The following HHLA2 variants were observed in gnomAD, a reference collection of about 807,000 sequenced individuals.
HHLA2 encodes HHLA2 member of B7 family.
Under a neutral mutation model 45.9 loss-of-function variants are expected in HHLA2, and 48 were observed. That is an observed-to-expected ratio of 1.05 (90% CI 0.83 to 1.33). The LOEUF is 1.33. Ranked by LOEUF, HHLA2 falls within the 40% of genes most tolerant of loss-of-function variation. The pLI is 0.00. For synonymous variants in HHLA2, 161 were observed against 173.9 expected, an observed-to-expected ratio of 0.93 and a Z score of 0.59; for missense variants, 462 against 494.3, an observed-to-expected ratio of 0.93 and a Z score of 0.62.
At chr3:108,350,098 A>G (rs1218028554) in intron 3 of HHLA2, among the ~76,000 whole-genome samples, 2 of 152,172 alleles carry the variant, frequency 1.3e-5, no homozygotes, top group Non-Finnish European at 2.9e-5. Flanking sequence ...TTTAATGATT[A>G]CTTGTAATCT....
Position 108,368,620 on chromosome 3 carries a change from A to G in HHLA2, c.1108+6174A>G, listed in dbSNP as rs533987522. On this transcript the variant is annotated intron_variant, in intron 8 of 10. Transcript: ENST00000619531. ...GATAAAACAGACTTTAAACCAACAA[A>G]GATCAAAAAAGACAAAGACGTTACA... 9.9e-5 allele frequency among the ~76,000 whole-genome samples: 15 copies of G among 151,576 alleles called. No individual in the cohort carries two copies. The South Asian group carries it at 1.9e-3, about 19-fold the overall frequency.
Position 108,357,918 on chromosome 3 carries a change from CAA to C in HHLA2, c.761_762del (p.Gln254ArgfsTer31). 2 of 1,613,742 alleles carry C rather than the reference CAA, an allele frequency of 1.2e-6. No individual in the cohort carries two copies. The stretch of plus-strand genomic sequence containing the variant: ...TGTAAATGATTATTTTTCACCAAAC[CAA>C]GACTTCAAAGTTACTTGGTCCAGAA... On this transcript the variant is annotated frameshift_variant, in exon 7 of 11. Coordinates refer to ENST00000619531, the Ensembl canonical transcript of HHLA2. LOFTEE classifies it high-confidence loss of function.
At chr3:108,357,698 A>T in intron 6 of HHLA2, 146 bp from the exon 6 acceptor site, 1 of 687,044 alleles carries the variant, frequency 1.5e-6, no homozygotes, top group Non-Finnish European at 2.4e-6. Flanking sequence ...TTAAGAAACC[A>T]CAGTACAAAT....
At chr3:108,329,828 A>G (rs1318943358) in intron 3 of HHLA2, among the ~76,000 whole-genome samples, 2 of 152,178 alleles carry the variant, frequency 1.3e-5, no homozygotes, top group Non-Finnish European at 2.9e-5. Flanking sequence ...TTTATGAACA[A>G]TCTACTACTG....
chr3:108,328,335 C>T (rs971527009), exon 3 of HHLA2: 21 of 1,530,564 alleles, frequency 1.4e-5, no homozygotes, highest in African/African-American at 9.6e-5. Context: ...AAGCCTAGAA[C>T]GCACCTCCTC....
At chr3:108,317,017 C>G (rs1044392741) in intron 2 of HHLA2, among the ~76,000 whole-genome samples, 4 of 152,174 alleles carry the variant, frequency 2.6e-5, no homozygotes, top group African/African-American at 9.7e-5. Flanking sequence ...AAAATCATGG[C>G]TGTTGTGGAC....
intron 8 of HHLA2, among the ~76,000 whole-genome samples, chr3:108,374,089 C>G (rs980316211): frequency 2.0e-5 from 3 of 151,540 alleles, no homozygotes; most frequent in Non-Finnish European, 3.0e-5. Flanking sequence ...TACTACAAGG[C>G]TACAGTAACC....
chr3:108,355,945 C>T (rs114492242), intron 6 of HHLA2, among the ~76,000 whole-genome samples: 3,141 of 152,032 alleles, frequency 0.021, 101 homozygotes, highest in African/African-American at 0.068. Flanking sequence ...CAGATCCAAA[C>T]TCTGATCAAT....
chr3:108,311,127 G>A (rs529779459), intron 2 of HHLA2, among the ~76,000 whole-genome samples: 9 of 152,204 alleles, frequency 5.9e-5, no homozygotes, highest in East Asian at 3.9e-4. Flanking sequence ...TTTTATCAGC[G>A]GTGTGATTTG....
chr3:108,375,882 G>C (rs1576191938), intron 9 of HHLA2, 82 bp downstream of exon 8: 10 of 1,530,104 alleles, frequency 6.5e-6, no homozygotes. Flanking sequence ...CTCTGTCACA[G>C]TATTGGCCAC....
chr3:108,376,542 T>C lies in HHLA2; in HGVS notation c.1209T>C (p.Asn403=), dbSNP rs1406858693. Residue 403 remains asparagine, a synonymous_variant, in exon 10 of 11, where the codon AAT becomes AAC. Transcript: ENST00000619531. ...AGCGCTGTCCCAGTGCACCCGATAA[T>C]GGCGAAGAAAATGTGGTAAGGCATT... 2.5e-6 allele frequency: 4 copies of C among 1,612,540 alleles called. No individual in the cohort carries two copies. In the South Asian group the frequency reaches 3.3e-5, roughly 13 times the overall value.
intron 3 of HHLA2, among the ~76,000 whole-genome samples, chr3:108,338,033 G>A (rs945905461): frequency 2.0e-5 from 3 of 151,852 alleles, no homozygotes; most frequent in Non-Finnish European, 2.9e-5. Context: ...ATTTTTCTCA[G>A]AACTGAATAT....
chr3:108,328,315 G>A, exon 3 of HHLA2: 1 of 1,531,376 alleles, frequency 6.5e-7, no homozygotes, highest in Non-Finnish European at 8.7e-7. Context: ...TGGTGATGTG[G>A]AATATACTAA....
At chr3:108,321,830 A>T (rs2081208339) in intron 2 of HHLA2, among the ~76,000 whole-genome samples, 1 of 151,782 alleles carries the variant, frequency 6.6e-6, no homozygotes, top group South Asian at 2.1e-4. Flanking sequence ...GTGTCTATTT[A>T]CTGTCTAGGA....
At chr3:108,373,192 G>A (rs1457248813) in intron 8 of HHLA2, among the ~76,000 whole-genome samples, 3 of 151,390 alleles carry the variant, frequency 2.0e-5, no homozygotes, top group Admixed American at 6.6e-5. Context: ...ATCAATAAAC[G>A]TAATCCAGCA....
At chr3:108,343,272 C>T (rs1471201621) in intron 3 of HHLA2, among the ~76,000 whole-genome samples, 2 of 152,170 alleles carry the variant, frequency 1.3e-5, no homozygotes, top group East Asian at 3.9e-4. Context: ...AGCAATGAAG[C>T]TTTACAAACC....
intron 8 of HHLA2, among the ~76,000 whole-genome samples, chr3:108,373,088 T>C (rs898241529): frequency 1.3e-5 from 2 of 152,066 alleles, no homozygotes; most frequent in South Asian, 2.1e-4. Context: ...CAATAAAATA[T>C]TGGCAAACCG....
intron 8 of HHLA2, among the ~76,000 whole-genome samples, 197 bp from the exon 8 acceptor site, chr3:108,375,553 C>A (rs2082260489): frequency 6.6e-6 from 1 of 151,744 alleles, no homozygotes; most frequent in Non-Finnish European, 1.5e-5. Context: ...CAAGAGCGAA[C>A]AAATTCAAAA....
chr3:108,298,627 C>A (rs960288683), intron 1 of HHLA2, among the ~76,000 whole-genome samples: 5 of 152,176 alleles, frequency 3.3e-5, no homozygotes, highest in Non-Finnish European at 5.9e-5. Context: ...TACTGTATTG[C>A]ATCTTTTTCT....
Sources: gnomAD v4.1 joint callset for allele counts (sites outside exome capture counted in the v4.1 genomes callset) on GRCh38, gnomAD v4.1.1 for gene constraint, MANE v1.5 for transcripts, NCBI Gene and HGNC (gene_info 2026-07-23, HGNC 2026-07-21) for gene names.